TRPC5: variants seen among roughly 807,000 people sequenced by gnomAD.
TRPC5 encodes transient receptor potential cation channel subfamily C member 5.
A neutral mutation model predicts 56.5 loss-of-function variants in TRPC5; 9 were observed. That is an observed-to-expected ratio of 0.16 (90% CI 0.10 to 0.28). The LOEUF (loss-of-function observed/expected upper bound fraction) is 0.28. TRPC5 is among the 10% of genes least tolerant of loss of function. The pLI, the probability that TRPC5 is intolerant of heterozygous loss-of-function variation, is 1.00. For synonymous variants in TRPC5, 282 were observed against 278.5 expected, an observed-to-expected ratio of 1.01 and a Z score of -0.13; for missense variants, 469 against 748.9, an observed-to-expected ratio of 0.63 and a Z score of 4.36.
intron 1 of TRPC5, among the ~76,000 whole-genome samples, chrX:112,074,283 C>T (rs1019887295): frequency 3.8e-5 from 4 of 105,419 alleles, no homozygotes; most frequent in African/African-American, 1.4e-4. Context: ...TGTTTATCAT[C>T]TTTATTTTTA....
intron 3 of TRPC5, among the ~76,000 whole-genome samples, chrX:111,899,931 T>G (rs747401614): frequency 1.8e-4 from 20 of 110,906 alleles, no homozygotes; most frequent in Non-Finnish European, 2.8e-4. Flanking sequence ...TCCAACAAAA[T>G]CGTGCCTTCT....
At chrX:111,981,236 TA>T (rs2148652562) in intron 1 of TRPC5, among the ~76,000 whole-genome samples, 1 of 109,665 alleles carries the variant, frequency 9.1e-6, no homozygotes, top group African/African-American at 3.3e-5. Context: ...TTGAGACCCC[TA>T]AAAAGCTGAT....
At chrX:111,913,938 C>T (rs1304813898) in intron 2 of TRPC5, among the ~76,000 whole-genome samples, 28 of 87,711 alleles carry the variant, frequency 3.2e-4, no homozygotes, top group Non-Finnish European at 5.9e-4. Context: ...CCAGCCTGGG[C>T]AACAGAGCAA....
intron 2 of TRPC5, among the ~76,000 whole-genome samples, chrX:111,937,548 C>T (rs1362219923): frequency 9.3e-6 from 1 of 107,399 alleles, no homozygotes; most frequent in African/African-American, 3.5e-5. Context: ...GATCCAGTTT[C>T]AGCTTTCTAC....
intron 1 of TRPC5, among the ~76,000 whole-genome samples, chrX:112,007,621 C>A (rs898446723): frequency 9.0e-6 from 1 of 111,662 alleles, no homozygotes; most frequent in African/African-American, 3.3e-5. Context: ...GCCGGCATAA[C>A]AGAGTCATTC....
At chrX:111,901,735 C>G in intron 3 of TRPC5, 1 of 495,568 alleles carries the variant, frequency 2.0e-6, no homozygotes, top group Non-Finnish European at 3.2e-6. Context: ...ATCCTAATTT[C>G]TGGCCTAAAC....
rs376790498 is a variant in TRPC5, at chrX:112,010,622, A to G, written c.-21-58181T>C. Among the ~76,000 whole-genome samples the G allele has an allele frequency of 6.3e-5, 7 of 111,605 alleles. No homozygotes were observed. The East Asian group carries it at 8.5e-4, about 13-fold the overall frequency. On this transcript the variant is annotated intron_variant, in intron 1 of 10. Transcript: ENST00000262839. ...GAAGTATTTGTGTATCTAACACACA[A>G]TATCATTTATACACAATATAATTTA...
intron 1 of TRPC5, among the ~76,000 whole-genome samples, chrX:111,974,619 G>T (rs185101774): frequency 1.3e-3 from 142 of 110,995 alleles, no homozygotes; most frequent in South Asian, 7.4e-3. Flanking sequence ...CTTTGAAAAC[G>T]TGCAACTTCA....
chrX:111,918,089 C>A (rs1165237020), intron 2 of TRPC5, among the ~76,000 whole-genome samples: 1 of 110,658 alleles, frequency 9.0e-6, no homozygotes, highest in Non-Finnish European at 1.9e-5. Flanking sequence ...AAAGAGGGGG[C>A]TTGTGGGTAG....
intron 3 of TRPC5, among the ~76,000 whole-genome samples, chrX:111,901,165 A>G (rs1220752863): frequency 8.9e-6 from 1 of 111,943 alleles, no homozygotes; most frequent in Non-Finnish European, 1.9e-5. Context: ...GGAAACTTTA[A>G]TGAATGGATT....
At chrX:112,043,985 A>G (rs1446383614) in intron 1 of TRPC5, among the ~76,000 whole-genome samples, 1 of 111,951 alleles carries the variant, frequency 8.9e-6, no homozygotes, top group African/African-American at 3.2e-5. Context: ...TTTGAAAGAC[A>G]GCAAATAACA....
chrX:111,963,279 G>A (rs777959954), intron 1 of TRPC5, among the ~76,000 whole-genome samples: 1 of 112,497 alleles, frequency 8.9e-6, no homozygotes, highest in East Asian at 2.8e-4. Flanking sequence ...CTGGGGGAGG[G>A]GCGCCTGCCA....
At chrX:111,989,792 G>A (rs1307477997) in intron 1 of TRPC5, among the ~76,000 whole-genome samples, 2 of 112,217 alleles carry the variant, frequency 1.8e-5, no homozygotes, top group South Asian at 3.7e-4. Flanking sequence ...ATCTCAAAAC[G>A]ATGAATGAAG....
chrX:111,825,800 G>T (rs766883494), intron 7 of TRPC5, among the ~76,000 whole-genome samples: 1 of 111,708 alleles, frequency 9.0e-6, no homozygotes, highest in African/African-American at 3.3e-5. Context: ...GGCCAAGTAG[G>T]GAGGAGATGG....
In TRPC5 at chrX:111,975,222, C is replaced by T. The variant is rs1019104069; in HGVS notation, c.-21-22781G>A. On this transcript the variant is annotated intron_variant, in intron 1 of 10. Coordinates refer to ENST00000262839, the MANE Select transcript of TRPC5 (RefSeq NM_012471.3). The stretch of plus-strand genomic sequence containing the variant: ...TAGTTCAAGGCATTTAAATAAATCT[C>T]TGTCCAATCACTGGCGACTAAGATA... Among the ~76,000 whole-genome samples the T allele has an allele frequency of 3.0e-4, 33 of 110,483 alleles. 1 individual carries two copies. The Middle Eastern group carries it at 0.014, about 47-fold the overall frequency.
At chrX:112,065,015 A>G (rs1211813499) in intron 1 of TRPC5, among the ~76,000 whole-genome samples, 3 of 107,375 alleles carry the variant, frequency 2.8e-5, no homozygotes, top group African/African-American at 1.0e-4. Flanking sequence ...CAGAGCTTAC[A>G]GTGAGCCATG....
intron 7 of TRPC5, among the ~76,000 whole-genome samples, chrX:111,822,792 G>A (rs181211807): frequency 1.1e-4 from 12 of 111,970 alleles, no homozygotes; most frequent in Admixed American, 8.5e-4. Context: ...GACATCAGCC[G>A]GTAGATGGGG....
intron 7 of TRPC5, among the ~76,000 whole-genome samples, chrX:111,813,774 G>C (rs555819011): frequency 1.8e-5 from 2 of 112,338 alleles, no homozygotes; most frequent in South Asian, 7.4e-4. Context: ...GACATATTGG[G>C]AGGCTTCACT....
At chrX:112,044,943 C>A (rs1299380166) in intron 1 of TRPC5, among the ~76,000 whole-genome samples, 3 of 112,409 alleles carry the variant, frequency 2.7e-5, no homozygotes. Flanking sequence ...CTGTGCCAAT[C>A]TCTCACAGCA....
Sources: gnomAD v4.1 joint callset for allele counts (sites outside exome capture counted in the v4.1 genomes callset) on GRCh38, gnomAD v4.1.1 for gene constraint, MANE v1.5 for transcripts, NCBI Gene and HGNC (gene_info 2026-07-23, HGNC 2026-07-21) for gene names.